CABIN1: variants seen among roughly 807,000 people sequenced by gnomAD.
CABIN1 encodes the protein calcineurin binding protein 1.
In CABIN1, 133 loss-of-function variants were observed where a neutral mutation model predicts 227.7. That is an observed-to-expected ratio of 0.58 (90% CI 0.51 to 0.67). CABIN1 has a LOEUF of 0.67. Among genes scored for constraint, CABIN1 ranks in the 30% least tolerant of loss-of-function variants. CABIN1 has a pLI of 0.00. For synonymous variants in CABIN1, 1,086 were observed against 1,155.1 expected (o/e 0.94, Z 1.21); for missense variants, 2,408 against 2,852.5 (o/e 0.84, Z 3.55).
At chr22:24,157,638 CCA>C (rs2045916150) in intron 29 of CABIN1, among the ~76,000 whole-genome samples, 1 of 152,196 alleles carries the variant, frequency 6.6e-6, no homozygotes, top group South Asian at 2.1e-4. Flanking sequence ...CCTACACGCC[CCA>C]CGCCATCCCC....
chr22:24,081,336 T>C (rs1308807735), intron 19 of CABIN1, among the ~76,000 whole-genome samples: 1 of 152,226 alleles, frequency 6.6e-6, no homozygotes, highest in Non-Finnish European at 1.5e-5. Context: ...ACTATTTCTT[T>C]AGTGATTATA....
intron 29 of CABIN1, among the ~76,000 whole-genome samples, chr22:24,138,420 A>G (rs756098931): frequency 1.6e-4 from 24 of 151,990 alleles, no homozygotes; most frequent in Non-Finnish European, 3.2e-4. Flanking sequence ...GCCCAGGCTC[A>G]ATTTCAACAC....
At chr22:24,042,806 G>A in intron 5 of CABIN1, 98 bp from the exon 6 acceptor site, 1 of 1,143,524 alleles carries the variant, frequency 8.7e-7, no homozygotes, top group Non-Finnish European at 1.3e-6. Flanking sequence ...GCATATTCAA[G>A]GAGAGATCTG....
intron 28 of CABIN1, among the ~76,000 whole-genome samples, chr22:24,123,663 GCAGCTT>G (rs2043549139): frequency 6.6e-6 from 1 of 152,234 alleles, no homozygotes; most frequent in South Asian, 2.1e-4. Context: ...TCTGCTGGCA[GCAGCTT>G]GTTCACAGAT....
chr22:24,099,855 G>T (rs1362376693), intron 26 of CABIN1, among the ~76,000 whole-genome samples: 2 of 152,196 alleles, frequency 1.3e-5, no homozygotes, highest in Non-Finnish European at 2.9e-5. Flanking sequence ...CGCCACATGC[G>T]CCACTGTGCT....
chr22:24,026,186 C>T (rs1344480484), intron 1 of CABIN1, among the ~76,000 whole-genome samples: 2 of 152,178 alleles, frequency 1.3e-5, no homozygotes, highest in Non-Finnish European at 2.9e-5. Context: ...GTTGCCCAGG[C>T]TGGCCTCAAA....
At chr22:24,122,664 C>T (rs1482271032) in intron 28 of CABIN1, among the ~76,000 whole-genome samples, 6 of 152,070 alleles carry the variant, frequency 3.9e-5, no homozygotes, top group East Asian at 1.9e-4. Flanking sequence ...GCCGAGATCA[C>T]GTCATTTCAC....
At chr22:24,176,872 C>T (rs1020994783) in intron 35 of CABIN1, among the ~76,000 whole-genome samples, 1 of 152,230 alleles carries the variant, frequency 6.6e-6, no homozygotes, top group Non-Finnish European at 1.5e-5. Flanking sequence ...CCCCTGGGGG[C>T]CAGGCATGGG....
At chr22:24,067,378 C>T (rs2039762604) in intron 16 of CABIN1, among the ~76,000 whole-genome samples, 197 bp downstream of exon 16, 1 of 152,218 alleles carries the variant, frequency 6.6e-6, no homozygotes, top group Non-Finnish European at 1.5e-5. Context: ...CCAAGGAGTG[C>T]AGGTTCTAGG....
At chr22:24,169,656 G>GCAGGCC (rs534958978) in intron 33 of CABIN1, among the ~76,000 whole-genome samples, 151 of 152,332 alleles carry the variant, frequency 9.9e-4, no homozygotes, top group African/African-American at 3.4e-3. Context: ...AGTGCTGGGC[G>GCAGGCC]CAGGCCCAGG....
chr22:24,064,652 A>C (rs1325040540), intron 15 of CABIN1, among the ~76,000 whole-genome samples: 1 of 150,642 alleles, frequency 6.6e-6, no homozygotes, highest in African/African-American at 2.5e-5. Flanking sequence ...TCCTAGGCAG[A>C]GGACCCTGCG....
intron 19 of CABIN1, among the ~76,000 whole-genome samples, chr22:24,078,873 A>C (rs553891031): frequency 6.6e-6 from 1 of 152,126 alleles, no homozygotes; most frequent in Admixed American, 6.5e-5. Context: ...CTTTTTGTCC[A>C]CATTTTTTTA....
intron 29 of CABIN1, among the ~76,000 whole-genome samples, chr22:24,151,950 G>C (rs1467421838): frequency 6.6e-6 from 1 of 152,174 alleles, no homozygotes; most frequent in Admixed American, 6.5e-5. Context: ...ATCCACAAGA[G>C]CCCTGGTATT....
At position 24,178,530 on chromosome 22, in the gene CABIN1, T is replaced by A; in HGVS notation, c.*334T>A. On this transcript the variant is annotated 3_prime_UTR_variant, in exon 37 of 37. Transcript: ENST00000263119. The stretch of plus-strand genomic sequence containing the variant: ...CCATATCCACCCCTCGACGCCGGGA[T>A]GAGCCGGCTCTGCCTGTGTCACAGT... The A allele has an allele frequency of 2.7e-6, 1 of 376,840 alleles. No homozygotes were observed. Among genetic ancestry groups the A allele is most frequent in the Non-Finnish European group, 5.1e-6 (1 of 196,884 alleles). 23.3% of individuals were successfully genotyped at this position (376,840 alleles called of 1,614,324 possible).
At chr22:24,135,192 A>G (rs1020030940) in intron 29 of CABIN1, among the ~76,000 whole-genome samples, 1 of 151,990 alleles carries the variant, frequency 6.6e-6, no homozygotes. Context: ...GGAGTTCAAG[A>G]CCAGCCTGGC....
intron 29 of CABIN1, among the ~76,000 whole-genome samples, chr22:24,139,478 A>C (rs2044617434): frequency 6.6e-6 from 1 of 152,106 alleles, no homozygotes; most frequent in South Asian, 2.1e-4. Flanking sequence ...AGGCAGAAGA[A>C]TCCCTTCAAC....
At chr22:24,125,820 A>G (rs2043689385) in intron 28 of CABIN1, among the ~76,000 whole-genome samples, 1 of 152,192 alleles carries the variant, frequency 6.6e-6, no homozygotes, top group African/African-American at 2.4e-5. Flanking sequence ...GGAGAACTTG[A>G]TATTTTTCTG....
chr22:24,170,229 G>T, intron 33 of CABIN1: 1 of 442,552 alleles, frequency 2.3e-6, no homozygotes, highest in South Asian at 1.6e-5. Context: ...CACTGTAGGG[G>T]CTAGCTGCCA....
At chr22:24,051,766 C>T (rs879919029) in intron 8 of CABIN1, among the ~76,000 whole-genome samples, 4 of 151,968 alleles carry the variant, frequency 2.6e-5, no homozygotes, top group South Asian at 4.2e-4. Context: ...TCCCTAGCAA[C>T]GGGGAGAGCA....
Sources: allele counts gnomAD v4.1 joint callset (sites outside exome capture counted in the v4.1 genomes callset), GRCh38; gene constraint gnomAD v4.1.1; transcripts MANE v1.5; gene names NCBI Gene and HGNC (gene_info 2026-07-23, HGNC 2026-07-21).